The following LRRC7 variants were observed in gnomAD, a reference collection of about 807,000 sequenced individuals.
LRRC7 encodes leucine-rich repeat-containing protein 7.
A neutral mutation model predicts 175.7 loss-of-function variants in LRRC7; 23 were observed. That is an observed-to-expected ratio of 0.13 (90% confidence interval 0.09 to 0.19). LRRC7 has a LOEUF of 0.19. Among genes scored for constraint, LRRC7 ranks in the 10% least tolerant of loss-of-function variants. The probability of loss-of-function intolerance (pLI) is 1.00; values close to 1 mark genes in which losing one functional copy is unlikely to be tolerated. For synonymous variants in LRRC7, 685 were observed against 680.9 expected, an observed-to-expected ratio of 1.01 and a Z score of -0.09; for missense variants, 1,354 against 1,904.7, an observed-to-expected ratio of 0.71 and a Z score of 5.38.
At chr1:69,671,915 C>G (rs952495002) in intron 1 of LRRC7, among the ~76,000 whole-genome samples, 1 of 152,172 alleles carries the variant, frequency 6.6e-6, no homozygotes, top group Admixed American at 6.5e-5. Flanking sequence ...AGGACTCTTT[C>G]CTGCCCTCTT....
Position 70,142,908 on chromosome 1 carries a change from T to TAAG in LRRC7, c.*21022_*21024dup, listed in dbSNP as rs1553210507. 2.0e-5 allele frequency: 3 copies of TAAG among 152,094 alleles called. No homozygotes were observed. The highest frequency in any genetic ancestry group is 7.2e-5 in the African/African-American group (3 of 41,450). 9.4% of individuals were successfully genotyped at this position (152,094 alleles called of 1,614,324 possible). On this transcript the variant is annotated 3_prime_UTR_variant, in exon 27 of 27. Transcript: ENST00000651989. ...TAGATATTATGTTTTGGATGTTTTCTAAGTATCTATGAAAATTATTTTTTC... is the reference window on the plus strand; with the variant it reads ...TAGATATTATGTTTTGGATGTTTTCTAAGAAGTATCTATGAAAATTATTTTTTC...
chr1:69,788,098 A>G (rs1170526873), intron 3 of LRRC7, among the ~76,000 whole-genome samples: 3 of 151,892 alleles, frequency 2.0e-5, no homozygotes, highest in Admixed American at 2.0e-4. Context: ...GTTTTTTTCT[A>G]GTTCACTCAC....
At chr1:69,915,389 T>C (rs1646655261) in intron 7 of LRRC7, among the ~76,000 whole-genome samples, 1 of 152,210 alleles carries the variant, frequency 6.6e-6, no homozygotes, top group Non-Finnish European at 1.5e-5. Flanking sequence ...AGTATGTCTA[T>C]GATTTCACAG....
intron 12 of LRRC7, 95 bp downstream of exon 12, chr1:70,012,021 T>C: frequency 1.3e-6 from 1 of 797,810 alleles, no homozygotes; most frequent in South Asian, 1.7e-5. Context: ...GATTCATGAG[T>C]TGAGCTGTGA....
chr1:69,721,349 GC>G (rs1219627998), intron 2 of LRRC7, among the ~76,000 whole-genome samples: 1 of 151,750 alleles, frequency 6.6e-6, no homozygotes, highest in African/African-American at 2.4e-5. Flanking sequence ...TAGTTTCACT[GC>G]CCTAAAACTC....
intron 7 of LRRC7, among the ~76,000 whole-genome samples, chr1:69,893,256 T>G (rs1263656207): frequency 6.6e-6 from 1 of 152,000 alleles, no homozygotes; most frequent in African/African-American, 2.4e-5. Flanking sequence ...TCCAACCTTT[T>G]AAAATCAAGG....
At chr1:69,760,120 A>G in intron 2 of LRRC7, 71 bp from the exon 3 acceptor site, 1 of 1,494,056 alleles carries the variant, frequency 6.7e-7, no homozygotes, top group South Asian at 1.2e-5. Context: ...TAAGCTTTAA[A>G]TATTACAAGA....
At chr1:69,916,718 T>C (rs749288723) in intron 7 of LRRC7, among the ~76,000 whole-genome samples, 1 of 152,104 alleles carries the variant, frequency 6.6e-6, no homozygotes, top group Non-Finnish European at 1.5e-5. Flanking sequence ...CCTGTGTAAA[T>C]GTCTTCATTT....
chr1:69,944,329 A>G (rs920454570), intron 8 of LRRC7, among the ~76,000 whole-genome samples: 3 of 152,100 alleles, frequency 2.0e-5, no homozygotes, highest in African/African-American at 4.8e-5. Context: ...GCCAAATCAT[A>G]TTTCATTACA....
intron 2 of LRRC7, among the ~76,000 whole-genome samples, chr1:69,720,880 C>A (rs1200499357): frequency 1.3e-5 from 2 of 151,640 alleles, no homozygotes; most frequent in African/African-American, 2.4e-5. Context: ...TACCATCTAA[C>A]CACTTTTAAG....
intron 7 of LRRC7, among the ~76,000 whole-genome samples, chr1:69,926,917 T>G (rs1195825145): frequency 6.6e-6 from 1 of 152,202 alleles, no homozygotes; most frequent in African/African-American, 2.4e-5. Flanking sequence ...GGTCTTTACA[T>G]TTTGGCATGA....
chr1:69,748,641 T>A (rs35373317), intron 2 of LRRC7, among the ~76,000 whole-genome samples: 2,859 of 152,270 alleles, frequency 0.019, 37 homozygotes, highest in South Asian at 0.036. Context: ...TTTGTCTTGA[T>A]AACTGACTCA....
At chr1:69,868,873 C>CTCTATCTA (rs566648455) in intron 7 of LRRC7, among the ~76,000 whole-genome samples, 3 of 151,434 alleles carry the variant, frequency 2.0e-5, no homozygotes, top group African/African-American at 7.3e-5. Flanking sequence ...TGATTTCTCT[C>CTCTATCTA]TCTATCTATC....
intron 3 of LRRC7, among the ~76,000 whole-genome samples, chr1:69,779,063 C>G (rs961400717): frequency 2.0e-5 from 3 of 151,110 alleles, no homozygotes; most frequent in East Asian, 3.9e-4. Flanking sequence ...CATACACAAA[C>G]CAGCTTACAC....
chr1:69,941,223 G>A (rs555040895), intron 8 of LRRC7, among the ~76,000 whole-genome samples: 1 of 152,086 alleles, frequency 6.6e-6, no homozygotes, highest in African/African-American at 2.4e-5. Context: ...AGAGAACCCT[G>A]TAAGACATTT....
At chr1:69,694,216 G>A (rs376572545) in intron 2 of LRRC7, among the ~76,000 whole-genome samples, 2 of 152,154 alleles carry the variant, frequency 1.3e-5, no homozygotes, top group Non-Finnish European at 2.9e-5. Context: ...CTTAGGGCAA[G>A]GCAATTACAT....
intron 2 of LRRC7, among the ~76,000 whole-genome samples, chr1:69,756,546 T>C (rs1670452695): frequency 6.6e-6 from 1 of 151,750 alleles, no homozygotes; most frequent in African/African-American, 2.4e-5. Flanking sequence ...GAAATAGGAT[T>C]TTGAATAAGA....
chr1:69,674,025 G>C lies in LRRC7; in HGVS notation c.3-4356G>C, dbSNP rs181222182. Reference sequence around the variant, plus strand: ...TTTTACATCTATAACACATAAATATGGAGGCAGGGCCTCGCTCTATTGCCC... The same window carrying C: ...TTTTACATCTATAACACATAAATATCGAGGCAGGGCCTCGCTCTATTGCCC... On this transcript the variant is annotated intron_variant, in intron 1 of 26. Transcript: ENST00000651989. Among the ~76,000 whole-genome samples the C allele has an allele frequency of 6.3e-4, 96 of 152,014 alleles. 1 individual carries two copies. The East Asian group carries it at 0.016, about 26-fold the overall frequency.
chr1:70,099,144 C>G (rs1469831523), intron 25 of LRRC7, among the ~76,000 whole-genome samples: 1 of 141,870 alleles, frequency 7.0e-6, no homozygotes, highest in African/African-American at 2.7e-5. Context: ...GGCTTCATCC[C>G]TGGGATGCAA....
Sources: allele counts gnomAD v4.1 joint callset (sites outside exome capture counted in the v4.1 genomes callset), GRCh38; gene constraint gnomAD v4.1.1; transcripts MANE v1.5; gene names NCBI Gene and HGNC (gene_info 2026-07-23, HGNC 2026-07-21).